The following RBFOX1 variants were observed in gnomAD, a reference collection of about 807,000 sequenced individuals.
RBFOX1 encodes the protein RNA binding fox-1 homolog 1.
A neutral mutation model predicts 57.7 loss-of-function variants in RBFOX1; 8 were observed. That is an observed-to-expected ratio of 0.14 (90% CI 0.08 to 0.25). The LOEUF is 0.25. Among genes scored for constraint, RBFOX1 ranks in the 10% least tolerant of loss-of-function variants. The pLI is 1.00. For synonymous variants in RBFOX1, 326 were observed against 222.4 expected, an observed-to-expected ratio of 1.47 and a Z score of -4.15; for missense variants, 611 against 548.5, an observed-to-expected ratio of 1.11 and a Z score of -1.14.
At chr16:7,265,976 T>TG (rs2095120698) in intron 4 of RBFOX1, among the ~76,000 whole-genome samples, 1 of 137,898 alleles carries the variant, frequency 7.3e-6, no homozygotes, top group African/African-American at 2.8e-5. Context: ...TTTTTTTTTT[T>TG]TTTTTTTTTT....
chr16:7,079,562 C>A (rs1007670603), intron 4 of RBFOX1, among the ~76,000 whole-genome samples: 1 of 152,168 alleles, frequency 6.6e-6, no homozygotes, highest in Non-Finnish European at 1.5e-5. Context: ...GGTGTCACAT[C>A]TGTTTCTCTC....
At chr16:6,353,465 C>T (rs1418554067) in intron 2 of RBFOX1, among the ~76,000 whole-genome samples, 3 of 151,728 alleles carry the variant, frequency 2.0e-5, no homozygotes, top group Non-Finnish European at 4.4e-5. Flanking sequence ...CTGTAATAAG[C>T]TGCAAAGTAC....
chr16:5,473,311 C>T (rs932863100), intron 2 of RBFOX1, among the ~76,000 whole-genome samples: 7 of 152,156 alleles, frequency 4.6e-5, no homozygotes, highest in African/African-American at 1.7e-4. Flanking sequence ...AGAAACAGAC[C>T]TTACCTGACA....
intron 4 of RBFOX1, among the ~76,000 whole-genome samples, chr16:7,282,327 C>G (rs1489216703): frequency 6.6e-6 from 1 of 152,146 alleles, no homozygotes; most frequent in Non-Finnish European, 1.5e-5. Context: ...TGTTCACCCC[C>G]AACTCATTGC....
intron 1 of RBFOX1, among the ~76,000 whole-genome samples, chr16:6,261,321 C>G (rs1265661774): frequency 1.3e-5 from 2 of 152,200 alleles, no homozygotes; most frequent in Admixed American, 1.3e-4. Context: ...TTAGCCTCAT[C>G]TTTCAGTTTT....
rs143788329 is a variant in RBFOX1, at chr16:6,759,955, A to T, written c.-16+105305A>T. The stretch of plus-strand genomic sequence containing the variant: ...CATTTATCAAATATTAGTTGAGAGG[A>T]TATTTTGTATCAGCCCTTGTGGAGT... On this transcript the variant is annotated intron_variant, in intron 3 of 15. Coordinates refer to ENST00000550418, the MANE Select transcript of RBFOX1 (RefSeq NM_018723.4). Among the ~76,000 whole-genome samples, 289 of 152,294 alleles carry T rather than the reference A, an allele frequency of 1.9e-3. 1 individual carries two copies. The highest frequency in any genetic ancestry group is 6.8e-3 in the African/African-American group (281 of 41,568).
chr16:7,176,558 C>A (rs753456138), intron 4 of RBFOX1, among the ~76,000 whole-genome samples: 1 of 152,166 alleles, frequency 6.6e-6, no homozygotes, highest in African/African-American at 2.4e-5. Context: ...CACACCCCTT[C>A]ATTTGCATAT....
At chr16:5,609,494 G>A (rs935915524) in intron 3 of RBFOX1, among the ~76,000 whole-genome samples, 2 of 152,180 alleles carry the variant, frequency 1.3e-5, no homozygotes, top group Admixed American at 6.5e-5. Context: ...TTTCCTTCTT[G>A]TGGAGACAAA....
At chr16:6,868,172 A>G (rs2060258922) in intron 3 of RBFOX1, among the ~76,000 whole-genome samples, 1 of 152,082 alleles carries the variant, frequency 6.6e-6, no homozygotes, top group South Asian at 2.1e-4. Flanking sequence ...ATTTTTTTTC[A>G]TTGAAGTCTT....
chr16:7,192,156 G>C (rs2085553868), intron 4 of RBFOX1, among the ~76,000 whole-genome samples: 1 of 152,228 alleles, frequency 6.6e-6, no homozygotes, highest in Admixed American at 6.5e-5. Context: ...GGTAGTAGAA[G>C]GAATTCGCAA....
intron 1 of RBFOX1, among the ~76,000 whole-genome samples, chr16:6,143,998 T>C (rs2096739173): frequency 6.6e-6 from 1 of 150,550 alleles, no homozygotes. Context: ...CCTACCTACC[T>C]ATGTTGTCCA....
At chr16:7,218,009 T>C (rs2092376416) in intron 4 of RBFOX1, among the ~76,000 whole-genome samples, 1 of 151,380 alleles carries the variant, frequency 6.6e-6, no homozygotes, top group Non-Finnish European at 1.5e-5. Flanking sequence ...TGCATGTGTG[T>C]TTGTACGTGT....
intron 1 of RBFOX1, among the ~76,000 whole-genome samples, chr16:5,377,751 A>T (rs1482951285): frequency 6.6e-6 from 1 of 151,466 alleles, no homozygotes; most frequent in Non-Finnish European, 1.5e-5. Flanking sequence ...CTGTCTCCAC[A>T]CTTGTCAACA....
chr16:7,091,901 T>A (rs1599236820), intron 4 of RBFOX1, among the ~76,000 whole-genome samples: 1 of 152,216 alleles, frequency 6.6e-6, no homozygotes. Context: ...TTGTCTTGGA[T>A]CATCATGCCA....
chr16:6,931,328 T>C (rs1462673001), intron 3 of RBFOX1, among the ~76,000 whole-genome samples: 16 of 120,358 alleles, frequency 1.3e-4, no homozygotes, highest in African/African-American at 6.0e-4. Flanking sequence ...TATCTATCTA[T>C]CTATCTATCT....
rs552829407 is a variant in RBFOX1 at position 7,345,678 on chromosome 16, G to A, written c.28-172469G>A. Among the ~76,000 whole-genome samples the A allele has an allele frequency of 3.3e-5, 5 of 152,262 alleles. 1 individual carries two copies. Among genetic ancestry groups the A allele is most frequent in the South Asian group, 4.1e-4 (2 of 4,824 alleles). On this transcript the variant is annotated intron_variant, in intron 4 of 15. Coordinates refer to ENST00000550418, the MANE Select transcript of RBFOX1 (RefSeq NM_018723.4). ...AGAGCTCCCACTTGCTGCCGGTGAT[G>A]GAGCCGTCTGGGGATGGATAAAAAG... is the stretch of plus-strand genomic sequence containing the variant.
chr16:6,994,620 T>G (rs940390238), intron 3 of RBFOX1, among the ~76,000 whole-genome samples: 3 of 152,200 alleles, frequency 2.0e-5, no homozygotes, highest in Non-Finnish European at 1.5e-5. Context: ...TGCTAGTGTT[T>G]TGATTACATC....
intron 1 of RBFOX1, among the ~76,000 whole-genome samples, chr16:6,248,794 T>C (rs2097584657): frequency 6.6e-6 from 1 of 152,182 alleles, no homozygotes; most frequent in East Asian, 1.9e-4. Flanking sequence ...TTTAACCTCT[T>C]TGTGTCTGTC....
intron 3 of RBFOX1, among the ~76,000 whole-genome samples, chr16:6,811,822 G>A (rs28512309): frequency 2.6e-5 from 4 of 152,340 alleles, no homozygotes; most frequent in Non-Finnish European, 4.4e-5. Flanking sequence ...CTGGGAGGCA[G>A]AGGTTACAGT....
Sources: gnomAD v4.1 joint callset for allele counts (sites outside exome capture counted in the v4.1 genomes callset) on GRCh38, gnomAD v4.1.1 for gene constraint, MANE v1.5 for transcripts, NCBI Gene and HGNC (gene_info 2026-07-23, HGNC 2026-07-21) for gene names.